Variants in KCNG3 observed in about 807,000 individuals in gnomAD.
The protein encoded by KCNG3 is voltage-gated potassium channel regulatory subunit KCNG3.
Under a neutral mutation model 29.0 loss-of-function variants are expected in KCNG3, and 15 were observed. The ratio of observed to expected loss-of-function variants is 0.52; its 90% CI spans 0.35 to 0.80. The LOEUF (loss-of-function observed/expected upper bound fraction) is 0.80, where lower values mean the gene tolerates loss of function less well. KCNG3 is among the 30% of genes least tolerant of loss of function. KCNG3 has a pLI of 0.01. For synonymous variants in KCNG3, 322 were observed against 248.9 expected, an observed-to-expected ratio of 1.29 and a Z score of -2.76; for missense variants, 512 against 605.7, an observed-to-expected ratio of 0.85 and a Z score of 1.62.
chr2:42,419,575 C>G, the KCNG3 span, among the ~76,000 whole-genome samples: 3 of 151,994 alleles, frequency 2.0e-5, no homozygotes, highest in Non-Finnish European at 4.4e-5. Flanking sequence ...TTCTTAATAT[C>G]CTTGCAAAAG....
At chr2:42,447,590 A>C (rs1435027521) in intron 1 of KCNG3, among the ~76,000 whole-genome samples, 1 of 151,986 alleles carries the variant, frequency 6.6e-6, no homozygotes, top group African/African-American at 2.4e-5. Flanking sequence ...ATCACAGCTC[A>C]CTGCAGCCTC....
the KCNG3 span, among the ~76,000 whole-genome samples, chr2:42,431,296 T>A: frequency 1.3e-5 from 2 of 151,034 alleles, no homozygotes; most frequent in Non-Finnish European, 2.9e-5. Context: ...GCAAAGTACA[T>A]CTCTCTTTGA....
chr2:42,470,057 G>C (rs34213343), intron 1 of KCNG3: 1 of 482,714 alleles, frequency 2.1e-6, no homozygotes, highest in Non-Finnish European at 3.8e-6. Flanking sequence ...ACTTGCTCCT[G>C]ATCTCCCTGA....
At chr2:42,457,495 A>C (rs191716716) in intron 1 of KCNG3, among the ~76,000 whole-genome samples, 11 of 151,978 alleles carry the variant, frequency 7.2e-5, no homozygotes, top group African/African-American at 2.7e-4. Context: ...TTGTTTCAAA[A>C]AAAAAGAGAG....
At chr2:42,437,939 C>CAAAAAAA (rs58250880), downstream of KCNG3, among the ~76,000 whole-genome samples, 1 of 74,848 alleles carries the variant, frequency 1.3e-5, no homozygotes, top group African/African-American at 4.8e-5. Flanking sequence ...ACTCTGTCTC[C>CAAAAAAA]AAAAAAAAAA....
At chr2:42,404,660 G>A in the KCNG3 span, among the ~76,000 whole-genome samples, 4 of 152,122 alleles carry the variant, frequency 2.6e-5, no homozygotes, top group Non-Finnish European at 5.9e-5. Context: ...CCCGGGAGGC[G>A]GAGGTTTCAG....
At chr2:42,428,474 AAAAAG>A in the KCNG3 span, among the ~76,000 whole-genome samples, 2,220 of 149,824 alleles carry the variant, frequency 0.015, 63 homozygotes, top group African/African-American at 0.05. Context: ...AAAAAAAAAA[AAAAAG>A]AAAAGAAAAA....
At chr2:42,486,246 T>A (rs1673717296) in intron 1 of KCNG3, among the ~76,000 whole-genome samples, 1 of 152,206 alleles carries the variant, frequency 6.6e-6, no homozygotes, top group Admixed American at 6.5e-5. Context: ...TACACTCTCC[T>A]AGTCCTGGTA....
chr2:42,390,397 T>A, the KCNG3 span, among the ~76,000 whole-genome samples: 1 of 152,198 alleles, frequency 6.6e-6, no homozygotes, highest in Non-Finnish European at 1.5e-5. Flanking sequence ...CCATCCTGGG[T>A]GAAAGATTGG....
chr2:42,480,481 G>A (rs1054250529), intron 1 of KCNG3, among the ~76,000 whole-genome samples: 4 of 152,092 alleles, frequency 2.6e-5, no homozygotes, highest in Non-Finnish European at 5.9e-5. Flanking sequence ...AGGCCATACA[G>A]TTTCTATTGC....
intron 1 of KCNG3, among the ~76,000 whole-genome samples, chr2:42,452,567 T>C (rs192629441): frequency 2.0e-5 from 3 of 152,152 alleles, no homozygotes; most frequent in African/African-American, 7.2e-5. Context: ...ACTCTCTATA[T>C]TCATGAGTTC....
chr2:42,463,749 C>T (rs1673076679), intron 1 of KCNG3: 7 of 191,786 alleles, frequency 3.6e-5, no homozygotes, highest in Non-Finnish European at 6.4e-5. Flanking sequence ...CACGCAATCT[C>T]GGTGCCTGGT....
chr2:42,434,230 T>C, the KCNG3 span, among the ~76,000 whole-genome samples: 2 of 152,030 alleles, frequency 1.3e-5, no homozygotes, highest in Non-Finnish European at 2.9e-5. Flanking sequence ...GGTGTGAGGA[T>C]TGCTTGAGCC....
At chr2:42,418,596 C>T in the KCNG3 span, among the ~76,000 whole-genome samples, 1 of 152,080 alleles carries the variant, frequency 6.6e-6, no homozygotes, top group Non-Finnish European at 1.5e-5. Context: ...AAAATAAATG[C>T]TTCTTTTTGA....
At chr2:42,451,341 G>T (rs1672749584) in intron 1 of KCNG3, among the ~76,000 whole-genome samples, 1 of 152,090 alleles carries the variant, frequency 6.6e-6, no homozygotes, top group South Asian at 2.1e-4. Context: ...ACTTTGGGAG[G>T]CTGAAGTGGG....
At chr2:42,450,049 G>A (rs1426307863) in intron 1 of KCNG3, among the ~76,000 whole-genome samples, 2 of 152,142 alleles carry the variant, frequency 1.3e-5, no homozygotes, top group East Asian at 1.9e-4. Context: ...GACCTTCCCA[G>A]CTCTAAAATC....
At chr2:42,410,986 T>C in the KCNG3 span, among the ~76,000 whole-genome samples, 28 of 152,336 alleles carry the variant, frequency 1.8e-4, no homozygotes, top group African/African-American at 6.7e-4. Flanking sequence ...GCTTTGCGGG[T>C]GCCAATTGCT....
chr2:42,485,831 A>C (rs1327082435), intron 1 of KCNG3, among the ~76,000 whole-genome samples: 1 of 152,198 alleles, frequency 6.6e-6, no homozygotes, highest in Non-Finnish European at 1.5e-5. Context: ...TGTCAGAATA[A>C]TACTCAGATG....
the KCNG3 span, among the ~76,000 whole-genome samples, chr2:42,416,612 T>C: frequency 6.6e-6 from 1 of 151,930 alleles, no homozygotes; most frequent in Non-Finnish European, 1.5e-5. Flanking sequence ...GTGGATCGCT[T>C]GAGGCCAGGA....
Sources: gnomAD v4.1 joint callset for allele counts (sites outside exome capture counted in the v4.1 genomes callset) on GRCh38, gnomAD v4.1.1 for gene constraint, MANE v1.5 for transcripts, NCBI Gene and HGNC (gene_info 2026-07-23, HGNC 2026-07-21) for gene names.